Variants in ZNF420 observed in about 807,000 individuals in gnomAD.
The protein encoded by ZNF420 is zinc finger protein 420.
In ZNF420, 31 loss-of-function variants were observed where a neutral mutation model predicts 44.7. That is an observed-to-expected ratio of 0.69 (90% CI 0.52 to 0.94). The LOEUF is 0.94. Ranked by LOEUF, ZNF420 falls within the 40% of genes least tolerant of loss-of-function variation. The pLI is 0.00. For synonymous variants in ZNF420, 245 were observed against 267.4 expected (o/e 0.92, Z 0.82); for missense variants, 681 against 827.9 (o/e 0.82, Z 2.18).
At chr19:37,099,825 G>A (rs1292861413) in intron 4 of ZNF420, among the ~76,000 whole-genome samples, 1 of 152,056 alleles carries the variant, frequency 6.6e-6, no homozygotes, top group African/African-American at 2.4e-5. Flanking sequence ...GTGTTTCACT[G>A]TGTTAGCCAG....
At chr19:37,104,671 T>C (rs78123545) in intron 4 of ZNF420, among the ~76,000 whole-genome samples, 83,040 of 151,776 alleles carry the variant, frequency 0.55, 23,904 homozygotes, top group African/African-American at 0.71. Context: ...TTTTAATGAT[T>C]GCCATTCTAA....
chr19:37,113,485 A>G (rs1970492860), intron 4 of ZNF420, among the ~76,000 whole-genome samples: 1 of 150,976 alleles, frequency 6.6e-6, no homozygotes, highest in East Asian at 1.9e-4. Flanking sequence ...TAATGGTTTA[A>G]TGGCTGATTG....
intron 1 of ZNF420, among the ~76,000 whole-genome samples, chr19:37,012,774 G>C (rs905195323): frequency 4.6e-5 from 4 of 87,668 alleles, no homozygotes; most frequent in South Asian, 3.3e-4. Context: ...CTCTGTGTGT[G>C]TGTGTGTGTG....
At position 37,127,598 on chromosome 19, in the gene ZNF420, G is replaced by A. The variant is rs142549421; in HGVS notation, c.607G>A (p.Ala203Thr). ...KPYACKECGKAFTQSSQLILH... is the reference protein window; with the variant it reads ...KPYACKECGKTFTQSSQLILH... ...CTATGCATGTAAGGAATGTGGGAAG[G>A]CCTTTACTCAAAGCTCACAACTTAT... is the stretch of plus-strand genomic sequence containing the variant. Residue 203 changes from alanine (A) to threonine (T), a missense_variant, in exon 5 of 5, where the codon GCC becomes ACC. Around this residue, in one of 3 missense-constraint regions of ZNF420, gnomAD observed 350 missense variants for 382.5 expected, o/e 0.92. Transcript: ENST00000337995. 47 of 1,613,950 alleles carry A rather than the reference G, an allele frequency of 2.9e-5. No individual in the cohort carries two copies. The African/African-American group carries it at 5.6e-4, about 19-fold the overall frequency.
At chr19:37,112,982 G>A (rs1970462383) in intron 4 of ZNF420, among the ~76,000 whole-genome samples, 1 of 152,132 alleles carries the variant, frequency 6.6e-6, no homozygotes. Context: ...CTTGTGGCCG[G>A]GGACAGTTGC....
intron 2 of ZNF420, among the ~76,000 whole-genome samples, chr19:37,087,558 C>A (rs1968888185): frequency 6.6e-6 from 1 of 152,128 alleles, no homozygotes; most frequent in African/African-American, 2.4e-5. Context: ...TCTGCAGGGG[C>A]AGTTATTCTC....
At chr19:37,100,994 CTTTT>C (rs35330746) in intron 4 of ZNF420, among the ~76,000 whole-genome samples, 20 of 137,074 alleles carry the variant, frequency 1.5e-4, no homozygotes, top group Non-Finnish European at 1.3e-4. Flanking sequence ...AAATTTATTC[CTTTT>C]TTTTTTTTTT....
At chr19:37,048,396 A>G (rs1967577614) in intron 1 of ZNF420, among the ~76,000 whole-genome samples, 1 of 152,202 alleles carries the variant, frequency 6.6e-6, no homozygotes, top group South Asian at 2.1e-4. Context: ...GCATAAGACA[A>G]CCAAAAAGAA....
At chr19:37,016,383 G>T (rs562835671) in intron 1 of ZNF420, among the ~76,000 whole-genome samples, 1 of 152,290 alleles carries the variant, frequency 6.6e-6, no homozygotes, top group Non-Finnish European at 1.5e-5. Flanking sequence ...ATCCGGTGTG[G>T]GGTTTGGGGT....
At chr19:37,067,040 C>T (rs368330485) in intron 1 of ZNF420, among the ~76,000 whole-genome samples, 184 of 152,278 alleles carry the variant, frequency 1.2e-3, no homozygotes, top group African/African-American at 4.3e-3. Flanking sequence ...AGAAGCCTTA[C>T]ATACAAAAAA....
intron 1 of ZNF420, among the ~76,000 whole-genome samples, chr19:37,071,009 G>A (rs1303923156): frequency 2.0e-5 from 3 of 152,172 alleles, no homozygotes; most frequent in East Asian, 1.9e-4. Context: ...GCAGAGTTGA[G>A]TAGTTGTGAC....
intron 1 of ZNF420, among the ~76,000 whole-genome samples, chr19:37,058,913 C>G (rs1335445053): frequency 6.6e-6 from 1 of 152,186 alleles, no homozygotes; most frequent in Non-Finnish European, 1.5e-5. Flanking sequence ...ATCGGGGCAG[C>G]CCACAGCTCC....
At chr19:37,044,334 T>C (rs1967508638) in intron 1 of ZNF420, among the ~76,000 whole-genome samples, 1 of 152,098 alleles carries the variant, frequency 6.6e-6, no homozygotes, top group Admixed American at 6.5e-5. Flanking sequence ...CTGGGCAACA[T>C]AGTGAGACAT....
At chr19:37,095,693 G>T (rs1435674530) in intron 4 of ZNF420, among the ~76,000 whole-genome samples, 1 of 152,062 alleles carries the variant, frequency 6.6e-6, no homozygotes, top group Non-Finnish European at 1.5e-5. Context: ...CCGCTTCCCA[G>T]GTTCAAGCGA....
intron 1 of ZNF420, among the ~76,000 whole-genome samples, chr19:37,013,844 CA>C (rs1273578376): frequency 6.6e-6 from 1 of 152,144 alleles, no homozygotes; most frequent in Non-Finnish European, 1.5e-5. Context: ...CCAACAGGGC[CA>C]GGGGTGAGTT....
Position 37,128,820 on chromosome 19 carries a change from C to G in ZNF420, c.1829C>G (p.Thr610Ser). 6.2e-7 allele frequency: 1 copy of G among 1,613,890 alleles called. No homozygotes were observed. The highest frequency in any genetic ancestry group is 8.5e-7 in the Non-Finnish European group (1 of 1,179,956). The change falls in exon 5 of 5, where the codon ACT becomes AGT. Residue 610 changes from threonine (T) to serine (S), a missense_variant. Around this residue, in one of 3 missense-constraint regions of ZNF420, gnomAD observed 280 missense variants for 338.6 expected, o/e 0.83. Transcript: ENST00000337995. The stretch of plus-strand genomic sequence containing the variant: ...CTTACTCTACATCAGAGAATCCATA[C>G]TGGTGAGAAGCCCTATGAATGCAGA... Reference protein sequence around the residue: ...SQLTLHQRIHTGEKPYECREC... With the variant: ...SQLTLHQRIHSGEKPYECREC...
chr19:37,075,626 C>T (rs1968132278), upstream of ZNF420, among the ~76,000 whole-genome samples: 1 of 152,002 alleles, frequency 6.6e-6, no homozygotes. Context: ...CCTGTAATCC[C>T]AGCTACTCGG....
At chr19:37,111,546 C>T (rs1970386934) in intron 4 of ZNF420, 1 of 152,142 alleles carries the variant, frequency 6.6e-6, no homozygotes. Flanking sequence ...GCGTTGGCAA[C>T]CTCTGCTTGC....
intron 1 of ZNF420, among the ~76,000 whole-genome samples, chr19:37,011,849 G>A (rs1889659237): frequency 6.6e-5 from 10 of 152,178 alleles, no homozygotes; most frequent in Admixed American, 6.5e-4. Context: ...CCCTGTTCCT[G>A]TTTGCACGTG....
Sources: allele counts gnomAD v4.1 joint callset (sites outside exome capture counted in the v4.1 genomes callset), GRCh38; gene constraint gnomAD v4.1.1; regional missense constraint gnomAD v4.1.1; transcripts MANE v1.5; gene names NCBI Gene and HGNC (gene_info 2026-07-23, HGNC 2026-07-21).